The following TP63 variants were observed in gnomAD, a reference collection of about 807,000 sequenced individuals.
TP63 encodes the protein tumor protein 63.
Under a neutral mutation model 82.8 loss-of-function variants are expected in TP63, and 17 were observed. That is an observed-to-expected ratio of 0.21 (90% confidence interval 0.14 to 0.31). The LOEUF (loss-of-function observed/expected upper bound fraction) is 0.31. Among genes scored for constraint, TP63 ranks in the 10% least tolerant of loss-of-function variants. TP63 has a pLI of 1.00. For missense variants in TP63, 648 were observed against 895.3 expected, an observed-to-expected ratio of 0.72 and a Z score of 3.52; for synonymous variants, 330 against 321.7, an observed-to-expected ratio of 1.03 and a Z score of -0.28.
chr3:189,676,546 G>T (rs1226311464), intron 1 of TP63, among the ~76,000 whole-genome samples: 2 of 151,940 alleles, frequency 1.3e-5, no homozygotes, highest in Non-Finnish European at 2.9e-5. Flanking sequence ...AATATATCGT[G>T]TGTGTGTGCA....
intron 10 of TP63, among the ~76,000 whole-genome samples, chr3:189,885,502 C>A (rs1720350609): frequency 6.6e-6 from 1 of 152,202 alleles, no homozygotes; most frequent in Non-Finnish European, 1.5e-5. Context: ...AGCATCCTAA[C>A]AGATGACGGA....
At chr3:189,886,202 C>T (rs979479431) in intron 10 of TP63, among the ~76,000 whole-genome samples, 192 bp from the exon 11 acceptor site, 2 of 152,154 alleles carry the variant, frequency 1.3e-5, no homozygotes, top group Non-Finnish European at 2.9e-5. Context: ...ATGATAGCCT[C>T]GCAGTCAGTT....
chr3:189,667,947 G>A lies in TP63; in HGVS notation c.62+36370G>A, dbSNP rs898256279. Among the ~76,000 whole-genome samples the A allele has an allele frequency of 3.9e-5, 6 of 151,984 alleles. No individual in the cohort carries two copies. In the South Asian group the frequency reaches 8.3e-4, roughly 21 times the overall value. On this transcript the variant is annotated intron_variant, in intron 1 of 13. Coordinates refer to ENST00000264731, the MANE Select transcript of TP63 (RefSeq NM_003722.5). ...ACAGCTTTAATCATAAAATTAACAGGTATCAGTCGAGATTTGACCCACAGA... is the reference window on the plus strand; with the variant it reads ...ACAGCTTTAATCATAAAATTAACAGATATCAGTCGAGATTTGACCCACAGA...
At chr3:189,847,994 C>T (rs1245531965) in intron 4 of TP63, among the ~76,000 whole-genome samples, 1 of 152,078 alleles carries the variant, frequency 6.6e-6, no homozygotes, top group Admixed American at 6.6e-5. Context: ...ACGAATACAC[C>T]AGTTCCACTT....
intron 1 of TP63, among the ~76,000 whole-genome samples, chr3:189,672,463 A>G (rs1714971753): frequency 6.6e-6 from 1 of 151,990 alleles, no homozygotes; most frequent in Non-Finnish European, 1.5e-5. Flanking sequence ...TTAGCTGATC[A>G]TAGTGGCACA....
chr3:189,742,243 CAAAA>C (rs140413709), intron 3 of TP63, among the ~76,000 whole-genome samples: 12,761 of 77,386 alleles, frequency 0.16, 1,114 homozygotes, highest in African/African-American at 0.29. Context: ...AACTCCATCC[CAAAA>C]AAAAAAAAAA....
chr3:189,617,084 G>C, the TP63 span, among the ~76,000 whole-genome samples: 3 of 152,300 alleles, frequency 2.0e-5, no homozygotes, highest in East Asian at 1.9e-4. Context: ...ATCTGTAAAG[G>C]CTTCACTGAA....
In TP63 at chr3:189,704,672, C is replaced by T. The variant is rs1021624333; in HGVS notation, c.63-33068C>T. ...TTTCCTCAGGGCCTAGCACAGTGCTCAGCACAGAATAGGCTCTCAATAAAT... is the reference window on the plus strand; with the variant it reads ...TTTCCTCAGGGCCTAGCACAGTGCTTAGCACAGAATAGGCTCTCAATAAAT... On this transcript the variant is annotated intron_variant, in intron 1 of 13. Transcript: ENST00000264731. Among the ~76,000 whole-genome samples the T allele has an allele frequency of 2.0e-5, 3 of 152,320 alleles. No homozygotes were observed. The East Asian group carries it at 5.8e-4, about 29-fold the overall frequency.
chr3:189,799,867 A>G (rs1185781944), intron 3 of TP63, among the ~76,000 whole-genome samples: 5 of 152,156 alleles, frequency 3.3e-5, no homozygotes, highest in Non-Finnish European at 5.9e-5. Context: ...AGTAATTTTC[A>G]TGTTGAAGTG....
chr3:189,843,582 A>G (rs537202298), intron 4 of TP63, among the ~76,000 whole-genome samples: 3 of 152,324 alleles, frequency 2.0e-5, no homozygotes, highest in Admixed American at 6.5e-5. Context: ...CCTTGCCAAG[A>G]CGACTGTGGG....
intron 3 of TP63, among the ~76,000 whole-genome samples, chr3:189,771,029 G>A (rs1723299756): frequency 6.6e-6 from 1 of 151,704 alleles, no homozygotes; most frequent in Non-Finnish European, 1.5e-5. Flanking sequence ...CATTCTAAGT[G>A]CATTATCTCT....
intron 1 of TP63, among the ~76,000 whole-genome samples, chr3:189,669,993 A>G (rs980593302): frequency 2.0e-5 from 3 of 152,028 alleles, no homozygotes; most frequent in Non-Finnish European, 2.9e-5. Context: ...GAATTAACAA[A>G]AAAGGGGCCA....
chr3:189,622,019 G>A, the TP63 span, among the ~76,000 whole-genome samples: 6 of 152,170 alleles, frequency 3.9e-5, no homozygotes, highest in African/African-American at 4.8e-5. Flanking sequence ...GGGTCACCCC[G>A]TGGGGATTCC....
chr3:189,661,455 C>A (rs949673382), intron 1 of TP63, among the ~76,000 whole-genome samples: 1 of 151,878 alleles, frequency 6.6e-6, no homozygotes, highest in Admixed American at 6.6e-5. Context: ...CTTTTTGATG[C>A]GCTGCTGGAT....
intron 1 of TP63, among the ~76,000 whole-genome samples, chr3:189,694,790 CTTTTTTTTTTTTTT>C (rs71175304): frequency 7.0e-4 from 23 of 32,758 alleles, no homozygotes; most frequent in Admixed American, 2.8e-3. Flanking sequence ...TATTTACAGC[CTTTTTTTTTTTTTT>C]TTTTTTTTTT....
intron 10 of TP63, among the ~76,000 whole-genome samples, chr3:189,876,466 A>T (rs932386750): frequency 1.2e-4 from 18 of 152,240 alleles, no homozygotes; most frequent in African/African-American, 4.3e-4. Flanking sequence ...ACATATTTAC[A>T]CTTTTTTGCA....
intron 11 of TP63, among the ~76,000 whole-genome samples, chr3:189,887,856 GTTTTTTTTT>G (rs397874442): frequency 4.0e-5 from 5 of 125,648 alleles, no homozygotes; most frequent in Non-Finnish European, 8.6e-5. Flanking sequence ...CATTGTTTTG[GTTTTTTTTT>G]TTTTTTTTTA....
intron 1 of TP63, among the ~76,000 whole-genome samples, chr3:189,640,077 A>C (rs1033275189): frequency 2.0e-5 from 3 of 152,112 alleles, no homozygotes; most frequent in African/African-American, 7.2e-5. Context: ...TTTGCACTTG[A>C]ATTTAGTAGT....
intron 3 of TP63, chr3:189,789,866 T>A: frequency 6.4e-7 from 1 of 1,558,296 alleles, no homozygotes; most frequent in Non-Finnish European, 8.7e-7. Flanking sequence ...ATTTTAGCAC[T>A]CCATTTAGAG....
Sources: allele counts gnomAD v4.1 joint callset (sites outside exome capture counted in the v4.1 genomes callset), GRCh38; gene constraint gnomAD v4.1.1; transcripts MANE v1.5; gene names NCBI Gene and HGNC (gene_info 2026-07-23, HGNC 2026-07-21).